BRSK1: variants seen among roughly 807,000 people sequenced by gnomAD.
BRSK1 encodes the protein BR serine/threonine kinase 1.
A neutral mutation model predicts 86.2 loss-of-function variants in BRSK1; 17 were observed. That is an observed-to-expected ratio of 0.20 (90% CI 0.14 to 0.30). The LOEUF is 0.30. Ranked by LOEUF, BRSK1 falls within the 10% of genes least tolerant of loss-of-function variation. The pLI, the probability that BRSK1 is intolerant of heterozygous loss-of-function variation, is 1.00. For synonymous variants in BRSK1, 464 were observed against 440.1 expected, an observed-to-expected ratio of 1.05 and a Z score of -0.68; for missense variants, 719 against 1,071.9, an observed-to-expected ratio of 0.67 and a Z score of 4.60.
chr19:55,284,299 G>T lies in BRSK1; in HGVS notation c.-144G>T. Reference sequence around the variant, plus strand: ...GCGGCCCGCCGACTGGGGGGGGCCAGCCCAGCCCCCTGGGGACCCCCGGAG... The same window carrying T: ...GCGGCCCGCCGACTGGGGGGGGCCATCCCAGCCCCCTGGGGACCCCCGGAG... On this transcript the variant is annotated 5_prime_UTR_variant, in exon 1 of 19. Coordinates refer to ENST00000309383, the MANE Select transcript of BRSK1 (RefSeq NM_032430.2). 1.5e-6 allele frequency: 1 copy of T among 678,968 alleles called. No individual in the cohort carries two copies. The allele number at this position is 678,968 out of a possible 1,614,324, so 42.1% of individuals were successfully genotyped here. A position where few individuals can be genotyped will look rare whatever the true frequency, so the allele number is the denominator to read the frequency against.
rs368594713 is a variant in BRSK1, at chr19:55,303,288, A to C, written c.1029-23A>C. ...CCTCAGCCCTCTGCTACCTCTTTCC[A>C]CCTTTCCCACCCCCTGCCTTAGGGA... On this transcript the variant is annotated intron_variant, in intron 10 of 18. Coordinates refer to ENST00000309383, the MANE Select transcript of BRSK1 (RefSeq NM_032430.2). This position sits in a 1 kb window ranked among gnomAD's most constrained non-coding sequence, Gnocchi z 5.1. The C allele has an allele frequency of 5.6e-4, 885 of 1,594,542 alleles. 2 individuals are homozygous for C. The highest frequency in any genetic ancestry group is 7.3e-4 in the Non-Finnish European group (850 of 1,162,812).
In BRSK1 at chr19:55,289,463, C is replaced by T; in HGVS notation, c.318-17C>T. On this transcript the variant is annotated splice_polypyrimidine_tract_variant and intron_variant, in intron 3 of 18. Transcript: ENST00000309383. ...CACATGCCCCTTCCAGCCCTCTGCC[C>T]CCTCTATATCCTTTAGGTACCTGGT... 6.2e-7 allele frequency: 1 copy of T among 1,605,796 alleles called. No individual in the cohort carries two copies. Among genetic ancestry groups the T allele is most frequent in the Non-Finnish European group, 8.5e-7 (1 of 1,176,286 alleles).
intron 3 of BRSK1, among the ~76,000 whole-genome samples, chr19:55,288,512 CAAA>C (rs757940800): frequency 6.9e-6 from 1 of 144,124 alleles, no homozygotes; most frequent in African/African-American, 2.6e-5. Flanking sequence ...ACAACAACAA[CAAA>C]AAAAAATGGT....
In BRSK1 at chr19:55,294,618, C is replaced by T. The variant is rs184841447; in HGVS notation, c.678+221C>T. On this transcript the variant is annotated intron_variant, in intron 7 of 18. Coordinates refer to ENST00000309383, the MANE Select transcript of BRSK1 (RefSeq NM_032430.2). This position sits in a 1 kb window ranked among gnomAD's most constrained non-coding sequence, Gnocchi z 4.9. ...CCAGCTTCAAGCAATTCTCCTGCCT[C>T]AGCCTCCCAAGTAGCTGGGATTGCA... 2.0e-5 allele frequency among the ~76,000 whole-genome samples: 3 copies of T among 152,168 alleles called. No homozygotes were observed. Among genetic ancestry groups the T allele is most frequent in the Non-Finnish European group, 4.4e-5 (3 of 68,004 alleles).
In BRSK1 at chr19:55,301,523, C is replaced by A. The variant is rs747052206; in HGVS notation, c.690C>A (p.Pro230=). Residue 230 remains proline, a synonymous_variant, in exon 8 of 19, where the codon CCC becomes CCA. Coordinates refer to ENST00000309383, the MANE Select transcript of BRSK1 (RefSeq NM_032430.2). ...ILFALLVGAL[P]FDDDNLRQLL... is the part of the protein sequence containing the mutation. ...TATCTCTTGCCCAGGGGGCTCTGCCCTTTGATGACGACAACCTCCGCCAGC... is the reference window on the plus strand; with the variant it reads ...TATCTCTTGCCCAGGGGGCTCTGCCATTTGATGACGACAACCTCCGCCAGC... 5 of 1,613,772 alleles carry A rather than the reference C, an allele frequency of 3.1e-6. No individual in the cohort carries two copies. Among genetic ancestry groups the A allele is most frequent in the Non-Finnish European group, 3.4e-6 (4 of 1,179,916 alleles).
Position 55,312,533 on chromosome 19 carries a change from CAAAAAAAAAAA to C in BRSK1, c.*484_*494del, listed in dbSNP as rs372052269. The C allele has an allele frequency of 0.01, 262 of 25,748 alleles. 2 individuals carry two copies. Among genetic ancestry groups the C allele is most frequent in the African/African-American group, 0.036 (204 of 5,650 alleles). The allele number at this position is 25,748 out of a possible 1,614,324, so 1.6% of individuals were successfully genotyped here. ...TCCGTGTCTCTGATTCCGCCGGCGG[CAAAAAAAAAAA>C]AAAAAAAAAAAAAAAAAAGATAATA... On this transcript the variant is annotated 3_prime_UTR_variant, in exon 19 of 19. Transcript: ENST00000309383.
chr19:55,305,207 C>G, intron 14 of BRSK1, 114 bp from the exon 15 acceptor site: 4 of 1,418,314 alleles, frequency 2.8e-6, no homozygotes, highest in Non-Finnish European at 3.9e-6. Context: ...ATGGCTTGGC[C>G]GAGGCTGCAA....
At position 55,284,504 on chromosome 19, in the gene BRSK1, A is replaced by AC; in HGVS notation, c.67dup (p.His23ProfsTer27). The AC allele has an allele frequency of 4.8e-6, 2 of 417,152 alleles. No individual in the cohort carries two copies. Among genetic ancestry groups the AC allele is most frequent in the Non-Finnish European group, 7.2e-6 (2 of 276,534 alleles). 25.8% of individuals were successfully genotyped at this position (417,152 alleles called of 1,614,324 possible). On this transcript the variant is annotated frameshift_variant, in exon 1 of 19. Coordinates refer to ENST00000309383, the MANE Select transcript of BRSK1 (RefSeq NM_032430.2). LOFTEE classifies it high-confidence loss of function. ...CCCGCCTACCACCTCCCCCACCCCC[A>AC]CCCCCACCCACCCCAGCACGCCCAA...
At chr19:55,305,616 G>GC (rs771810668) in intron 16 of BRSK1, 30 bp downstream of exon 16, 14 of 1,613,272 alleles carry the variant, frequency 8.7e-6, no homozygotes, top group South Asian at 4.4e-5. Flanking sequence ...ATCGAGCCTG[G>GC]CCCCCGCAGA....
intron 4 of BRSK1, among the ~76,000 whole-genome samples, chr19:55,291,246 AT>A (rs930947688): frequency 9.4e-5 from 14 of 148,854 alleles, no homozygotes; most frequent in East Asian, 8.0e-4. Context: ...ACTTTTAAAG[AT>A]TTTTTTTTTG....
chr19:55,293,418 C>T (rs1346846151), intron 4 of BRSK1, among the ~76,000 whole-genome samples: 2 of 152,004 alleles, frequency 1.3e-5, no homozygotes, highest in Non-Finnish European at 2.9e-5. Flanking sequence ...AGGAGAATCA[C>T]TTGAACTCAG....
Position 55,304,609 on chromosome 19 carries a change from G to A in BRSK1, c.1406G>A (p.Gly469Asp), listed in dbSNP as rs774089089. 8.3e-6 allele frequency: 13 copies of A among 1,566,962 alleles called. No individual in the cohort carries two copies. Among genetic ancestry groups the A allele is most frequent in the South Asian group, 1.2e-5 (1 of 85,520 alleles). ...PGAGDEARGG[G>D]SPTSKTQTLP... ...GCTGGAGATGAGGCTCGAGGCGGGG[G>A]CTCCCCGACTTCCAAAACGCAGACG... is the stretch of plus-strand genomic sequence containing the variant. The change falls in exon 14 of 19, where the codon GGC (glycine) becomes GAC (aspartate). Residue 469 changes from glycine to aspartate, a missense_variant. Physicochemically the swap from Gly to Asp is moderately conservative, Grantham distance 94 (BLOSUM62 -1). Around this residue, in one of 6 missense-constraint regions of BRSK1, gnomAD observed 143 missense variants for 120.1 expected, o/e 1.19. Transcript: ENST00000309383. The surrounding 1 kb of genome is among the most constrained non-coding windows in gnomAD (Gnocchi z 5.2).
chr19:55,303,553 T>A lies in BRSK1; in HGVS notation c.1127-114T>A, dbSNP rs1272646838. The A allele has an allele frequency of 6.7e-7, 1 of 1,489,054 alleles. No homozygotes were observed. The highest frequency in any genetic ancestry group is 1.9e-5 in the Admixed American group (1 of 52,134). 92.2% of individuals were successfully genotyped at this position (1,489,054 alleles called of 1,614,324 possible). A position where few individuals can be genotyped will look rare whatever the true frequency, so the allele number is the denominator to read the frequency against. On this transcript the variant is annotated intron_variant, in intron 11 of 18. Coordinates refer to ENST00000309383, the MANE Select transcript of BRSK1 (RefSeq NM_032430.2). This position sits in a 1 kb window ranked among gnomAD's most constrained non-coding sequence, Gnocchi z 5.1. ...ACTGCTTGACTTGCTCTTTGACATTTATCAAATCCCCTCTCCACTCTAGGC... is the reference window on the plus strand; with the variant it reads ...ACTGCTTGACTTGCTCTTTGACATTAATCAAATCCCCTCTCCACTCTAGGC...
intron 7 of BRSK1, among the ~76,000 whole-genome samples, chr19:55,298,288 ATCT>A (rs1246321123): frequency 8.6e-6 from 1 of 116,288 alleles, no homozygotes; most frequent in East Asian, 2.7e-4. Context: ...CAATGGCTTG[ATCT>A]TCTTCGCGGC....
In BRSK1 at chr19:55,312,226, A is replaced by G. The variant is rs558221749; in HGVS notation, c.*158A>G. 7 of 386,866 alleles carry G rather than the reference A, an allele frequency of 1.8e-5. No individual in the cohort carries two copies. In the East Asian group the frequency reaches 2.5e-4, roughly 14 times the overall value. The allele number at this position is 386,866 out of a possible 1,614,324, so 24.0% of individuals were successfully genotyped here. ...GATGGGGCTCCACAGGCCGTGCCCA[A>G]CTGGGGGTGGTTCTAGGGGAACAGG... is the stretch of plus-strand genomic sequence containing the variant. On this transcript the variant is annotated 3_prime_UTR_variant, in exon 19 of 19. Transcript: ENST00000309383.
At position 55,304,960 on chromosome 19, in the gene BRSK1, G is replaced by A. The variant is rs1370092245; in HGVS notation, c.1717+40G>A. 1.9e-6 allele frequency: 3 copies of A among 1,595,428 alleles called. No individual in the cohort carries two copies. The highest frequency in any genetic ancestry group is 1.7e-5 in the Admixed American group (1 of 58,572). The stretch of plus-strand genomic sequence containing the variant: ...ACTGCCGAGTCCTAATGTGGGGAGA[G>A]GTTGGGGCTAAAAATCTGGTTCCAG... On this transcript the variant is annotated intron_variant, in intron 14 of 18. Coordinates refer to ENST00000309383, the MANE Select transcript of BRSK1 (RefSeq NM_032430.2). This position sits in a 1 kb window ranked among gnomAD's most constrained non-coding sequence, Gnocchi z 5.2.
rs189089028 is a variant in BRSK1 at position 55,286,464 on chromosome 19, G to A, written c.137-543G>A. Among the ~76,000 whole-genome samples, 1,015 of 151,806 alleles carry A rather than the reference G, an allele frequency of 6.7e-3. 7 individuals are homozygous for A. Among genetic ancestry groups the A allele is most frequent in the African/African-American group, 0.023 (961 of 41,312 alleles). On this transcript the variant is annotated intron_variant, in intron 1 of 18. Transcript: ENST00000309383. The stretch of plus-strand genomic sequence containing the variant: ...GAAGGCAGTTGAGGCTGGGGGTTCA[G>A]GAGAAGGTGGAGGGTGATCTGGGGA...
intron 4 of BRSK1, among the ~76,000 whole-genome samples, chr19:55,291,514 A>G (rs975227862): frequency 2.0e-5 from 3 of 152,076 alleles, no homozygotes; most frequent in African/African-American, 7.2e-5. Context: ...ACCCTGTCTC[A>G]AAAAAAAGAA....
rs894393636 is a variant in BRSK1 at position 55,312,279 on chromosome 19, TATTG to T, written c.*215_*218del. 7.1e-5 allele frequency: 26 copies of T among 364,556 alleles called. No individual in the cohort carries two copies. The highest frequency in any genetic ancestry group is 1.8e-4 in the Admixed American group (4 of 22,392). The allele number at this position is 364,556 out of a possible 1,614,324, so 22.6% of individuals were successfully genotyped here. A position where few individuals can be genotyped will look rare whatever the true frequency, so the allele number is the denominator to read the frequency against. On this transcript the variant is annotated 3_prime_UTR_variant, in exon 19 of 19. Coordinates refer to ENST00000309383, the MANE Select transcript of BRSK1 (RefSeq NM_032430.2). ...GCGGGGGAGCTGTTTCTATTTTATT[TATTG>T]ATTAATTTATTATTTTATTTATTGA... is the stretch of plus-strand genomic sequence containing the variant.
Sources: gnomAD v4.1 joint callset for allele counts (sites outside exome capture counted in the v4.1 genomes callset) on GRCh38, gnomAD v4.1.1 for gene constraint, gnomAD v4.1.1 regional missense constraint, Gnocchi (gnomAD v3.1) non-coding constraint, MANE v1.5 for transcripts, NCBI Gene and HGNC (gene_info 2026-07-23, HGNC 2026-07-21) for gene names.